The following RGL1 variants were observed in gnomAD, a reference collection of about 807,000 sequenced individuals.
The protein encoded by RGL1 is ral guanine nucleotide dissociation stimulator like 1.
RGL1 carries 24 observed loss-of-function variants against 95.2 expected under a neutral mutation model. That is an observed-to-expected ratio of 0.25 (90% CI 0.18 to 0.35). The LOEUF (loss-of-function observed/expected upper bound fraction) is 0.35, where lower values mean the gene tolerates loss of function less well. RGL1 is among the 10% of genes least tolerant of loss of function. The pLI is 1.00. For missense variants in RGL1, 715 were observed against 936.3 expected, an observed-to-expected ratio of 0.76 and a Z score of 3.08; for synonymous variants, 329 against 344.9, an observed-to-expected ratio of 0.95 and a Z score of 0.51.
At chr1:183,687,838 T>C (rs781081907) in intron 1 of RGL1, among the ~76,000 whole-genome samples, 42 of 152,164 alleles carry the variant, frequency 2.8e-4, no homozygotes, top group Non-Finnish European at 4.1e-4. Flanking sequence ...AATGAAGGTT[T>C]GAGGATCCTG....
At chr1:183,877,360 A>T (rs191108344) in intron 4 of RGL1, among the ~76,000 whole-genome samples, 1 of 152,262 alleles carries the variant, frequency 6.6e-6, no homozygotes, top group Non-Finnish European at 1.5e-5. Context: ...GCCATTGGCC[A>T]GTAATCCTGT....
chr1:183,742,316 G>C (rs755848482), intron 2 of RGL1: 1 of 1,613,470 alleles, frequency 6.2e-7, no homozygotes, highest in South Asian at 1.1e-5. Flanking sequence ...TGACACAGTT[G>C]GTGAAATGTT....
At chr1:183,905,844 G>A (rs1375681737) in intron 13 of RGL1, among the ~76,000 whole-genome samples, 1 of 152,134 alleles carries the variant, frequency 6.6e-6, no homozygotes, top group East Asian at 1.9e-4. Context: ...TTTGTGACAC[G>A]AAACAGTTAT....
intron 2 of RGL1, among the ~76,000 whole-genome samples, chr1:183,772,660 G>A (rs1187848756): frequency 6.6e-6 from 1 of 152,080 alleles, no homozygotes; most frequent in Non-Finnish European, 1.5e-5. Context: ...CAGAAAGGGG[G>A]AGATTTTGGG....
intron 3 of RGL1, among the ~76,000 whole-genome samples, chr1:183,863,569 T>C (rs1224112859): frequency 6.6e-6 from 1 of 152,174 alleles, no homozygotes; most frequent in Non-Finnish European, 1.5e-5. Flanking sequence ...TTTAGGTGGC[T>C]GTTGTATTGA....
At chr1:183,700,245 T>C (rs12133984) in intron 1 of RGL1, among the ~76,000 whole-genome samples, 72,122 of 151,932 alleles carry the variant, frequency 0.47, 17,752 homozygotes, top group East Asian at 0.76. Flanking sequence ...AAAGGAATTG[T>C]AGGCTGATGA....
At chr1:183,838,538 C>G (rs1212143716) in intron 2 of RGL1, among the ~76,000 whole-genome samples, 1 of 152,196 alleles carries the variant, frequency 6.6e-6, no homozygotes, top group African/African-American at 2.4e-5. Context: ...ACTCTTGGGG[C>G]TCGTGTAGTT....
chr1:183,753,382 CAT>C (rs1658143232), intron 2 of RGL1, among the ~76,000 whole-genome samples: 2 of 152,076 alleles, frequency 1.3e-5, no homozygotes, highest in Admixed American at 1.3e-4. Flanking sequence ...TTTTTCAAGA[CAT>C]ATTTGTCAAG....
upstream of RGL1, among the ~76,000 whole-genome samples, chr1:183,801,439 CA>C (rs1333362287): frequency 1.3e-5 from 2 of 151,976 alleles, no homozygotes; most frequent in Non-Finnish European, 2.9e-5. Context: ...TCTCCCATTC[CA>C]TAGGTCATTT....
At chr1:183,805,749 T>G (rs1345598813) in intron 1 of RGL1, among the ~76,000 whole-genome samples, 3 of 152,096 alleles carry the variant, frequency 2.0e-5, no homozygotes, top group Admixed American at 2.0e-4. Flanking sequence ...CCAGATTATT[T>G]TACGGAAATA....
At chr1:183,758,867 T>G (rs929160293) in intron 2 of RGL1, among the ~76,000 whole-genome samples, 1 of 152,198 alleles carries the variant, frequency 6.6e-6, no homozygotes, top group Non-Finnish European at 1.5e-5. Flanking sequence ...CCATCCTATT[T>G]AAATAGAACT....
chr1:183,824,926 C>T (rs1662748313), intron 2 of RGL1, among the ~76,000 whole-genome samples: 1 of 152,296 alleles, frequency 6.6e-6, no homozygotes, highest in East Asian at 1.9e-4. Flanking sequence ...TTCTATATAT[C>T]CTGCAGCAAC....
rs532539873 is a variant in RGL1 at position 183,761,422 on chromosome 1, A to C, written c.132+19133A>C. On this transcript the variant is annotated intron_variant, in intron 2 of 18. Transcript: ENST00000304685. ...GTGACCAGCCACATTGTCAATGAGC[A>C]GTAATATTTTGAAAGGAATATCTTT... Among the ~76,000 whole-genome samples the C allele has an allele frequency of 2.2e-3, 328 of 152,358 alleles. 2 individuals are homozygous for C. The highest frequency in any genetic ancestry group is 5.2e-3 in the South Asian group (25 of 4,832).
intron 1 of RGL1, among the ~76,000 whole-genome samples, chr1:183,721,190 C>G (rs1370155326): frequency 6.6e-6 from 1 of 152,168 alleles, no homozygotes; most frequent in Non-Finnish European, 1.5e-5. Flanking sequence ...TAAAACTCAC[C>G]TAATCATATT....
At chr1:183,650,387 T>C (rs1650641681) in intron 1 of RGL1, among the ~76,000 whole-genome samples, 1 of 151,874 alleles carries the variant, frequency 6.6e-6, no homozygotes, top group Non-Finnish European at 1.5e-5. Context: ...ACTAAAAATG[T>C]AAAAAATTAG....
At chr1:183,673,499 G>A (rs1045294399) in intron 1 of RGL1, among the ~76,000 whole-genome samples, 3 of 152,136 alleles carry the variant, frequency 2.0e-5, no homozygotes, top group East Asian at 3.9e-4. Flanking sequence ...TGTTGATTCC[G>A]TATGTCTGTG....
At chr1:183,753,873 T>C (rs1237040610) in intron 2 of RGL1, among the ~76,000 whole-genome samples, 1 of 152,184 alleles carries the variant, frequency 6.6e-6, no homozygotes, top group Non-Finnish European at 1.5e-5. Context: ...TGGGTCTCAG[T>C]GTACTATCTG....
chr1:183,719,706 G>C (rs376232586), intron 1 of RGL1, among the ~76,000 whole-genome samples: 5 of 152,334 alleles, frequency 3.3e-5, no homozygotes, highest in African/African-American at 1.2e-4. Flanking sequence ...AGGAGTTTGA[G>C]ACCAGCCTGG....
At chr1:183,653,335 C>T (rs1183815364) in intron 1 of RGL1, 1 of 152,222 alleles carries the variant, frequency 6.6e-6, no homozygotes, top group Non-Finnish European at 1.5e-5. Flanking sequence ...GCCATGGTAA[C>T]GTTTGCAAAG....
Sources: allele counts gnomAD v4.1 joint callset (sites outside exome capture counted in the v4.1 genomes callset), GRCh38; gene constraint gnomAD v4.1.1; transcripts MANE v1.5; gene names NCBI Gene and HGNC (gene_info 2026-07-23, HGNC 2026-07-21).